Variants in UNC13C observed in about 807,000 individuals in gnomAD.
UNC13C encodes protein unc-13 homolog C.
A neutral mutation model predicts 245.4 loss-of-function variants in UNC13C; 174 were observed. The ratio of observed to expected loss-of-function variants is 0.71; its 90% CI spans 0.63 to 0.80. UNC13C has a LOEUF of 0.80. UNC13C is among the 30% of genes least tolerant of loss of function. UNC13C has a pLI of 0.00. For missense variants in UNC13C, 2,829 were observed against 2,602.9 expected (o/e 1.09, Z -1.89); for synonymous variants, 992 against 895.1 (o/e 1.11, Z -1.93).
intron 2 of UNC13C, among the ~76,000 whole-genome samples, chr15:54,095,156 C>G (rs956551718): frequency 1.3e-5 from 2 of 152,214 alleles, no homozygotes; most frequent in Non-Finnish European, 2.9e-5. Context: ...CCATCCACCC[C>G]AGCAGGCAGA....
chr15:54,533,033 T>C lies in UNC13C; in HGVS notation c.5663T>C (p.Val1888Ala), dbSNP rs754633671. The change falls in exon 26 of 33, where the codon GTG (valine) becomes GCG (alanine). Residue 1888 changes from valine (V) to alanine (A), a missense_variant. By Grantham distance (64) the Val-to-Ala change is moderately conservative (BLOSUM62 0). Coordinates refer to ENST00000260323, the MANE Select transcript of UNC13C (RefSeq NM_001080534.3). ...AGTGCAGCAATGGATGCAGAGATTGTGTTAAGATCTCTTATGGATTTTTTG... is the reference window on the plus strand; with the variant it reads ...AGTGCAGCAATGGATGCAGAGATTGCGTTAAGATCTCTTATGGATTTTTTG... Reference protein sequence around the residue: ...KNSAAMDAEIVLRSLMDFLDK... With the variant: ...KNSAAMDAEIALRSLMDFLDK... 2.7e-5 allele frequency: 43 copies of C among 1,596,756 alleles called. 1 individual carries two copies. The highest frequency in any genetic ancestry group is 1.9e-4 in the South Asian group (17 of 87,690).
chr15:53,892,579 T>A, the UNC13C span, among the ~76,000 whole-genome samples: 1 of 152,102 alleles, frequency 6.6e-6, no homozygotes, highest in African/African-American at 2.4e-5. Flanking sequence ...TATTCCTTTT[T>A]ATTTTTTCTC....
chr15:54,498,420 C>T (rs773309138), intron 20 of UNC13C, among the ~76,000 whole-genome samples: 1 of 151,806 alleles, frequency 6.6e-6, no homozygotes, highest in Non-Finnish European at 1.5e-5. Context: ...GCAGAATATT[C>T]TAAATACTCA....
At chr15:54,539,174 G>A (rs1208009977) in intron 26 of UNC13C, among the ~76,000 whole-genome samples, 1 of 151,972 alleles carries the variant, frequency 6.6e-6, no homozygotes, top group African/African-American at 2.4e-5. Context: ...TATGACTTCT[G>A]TTTTAATTCC....
chr15:54,477,403 G>A (rs1892812914), intron 19 of UNC13C, among the ~76,000 whole-genome samples: 1 of 105,328 alleles, frequency 9.5e-6, no homozygotes, highest in Non-Finnish European at 2.0e-5. Context: ...CAAAGGGAAT[G>A]CTTCCAGTTT....
intron 8 of UNC13C, among the ~76,000 whole-genome samples, chr15:54,260,663 T>G (rs2140883884): frequency 6.7e-6 from 1 of 148,342 alleles, no homozygotes; most frequent in East Asian, 2.0e-4. Flanking sequence ...ATATATAACT[T>G]TATATATGTA....
At chr15:54,008,907 C>T (rs911678529) in intron 1 of UNC13C, among the ~76,000 whole-genome samples, 2 of 152,168 alleles carry the variant, frequency 1.3e-5, no homozygotes, top group South Asian at 2.1e-4. Flanking sequence ...CTTATCTCCT[C>T]ATATAATAGG....
chr15:54,493,609 G>C (rs1428676381), intron 19 of UNC13C, among the ~76,000 whole-genome samples: 1 of 152,032 alleles, frequency 6.6e-6, no homozygotes, highest in African/African-American at 2.4e-5. Flanking sequence ...ATTTAGCTTG[G>C]AATGTAAAGT....
chr15:54,160,780 C>A (rs1387555848), intron 4 of UNC13C, among the ~76,000 whole-genome samples: 3 of 151,876 alleles, frequency 2.0e-5, no homozygotes, highest in African/African-American at 4.8e-5. Flanking sequence ...ACATAGAAAG[C>A]AAATATTTTT....
chr15:53,911,911 C>T, the UNC13C span: 2 of 152,256 alleles, frequency 1.3e-5, no homozygotes, highest in Admixed American at 1.3e-4. Flanking sequence ...CTGTTCTCAC[C>T]CCGTATGTAG....
chr15:54,469,904 G>A (rs1892367388), intron 19 of UNC13C, among the ~76,000 whole-genome samples: 1 of 151,460 alleles, frequency 6.6e-6, no homozygotes, highest in Admixed American at 6.6e-5. Flanking sequence ...GTCATATATG[G>A]TCTTTACTCT....
In UNC13C at chr15:54,627,358, A is replaced by G. The variant is rs567603232; in HGVS notation, c.*245A>G. 3.0e-6 allele frequency: 1 copy of G among 332,724 alleles called. No homozygotes were observed. The highest frequency in any genetic ancestry group is 5.5e-6 in the Non-Finnish European group (1 of 182,466). The allele number at this position is 332,724 out of a possible 1,614,324, so 20.6% of individuals were successfully genotyped here. A position where few individuals can be genotyped will look rare whatever the true frequency, so the allele number is the denominator to read the frequency against. On this transcript the variant is annotated 3_prime_UTR_variant, in exon 33 of 33. Coordinates refer to ENST00000260323, the MANE Select transcript of UNC13C (RefSeq NM_001080534.3). ...ATCAAGAACACCTTTTAACATGTTT[A>G]TTTTGTTTCTTTACCCATTTCACAT...
chr15:54,546,896 T>C, intron 27 of UNC13C, 51 bp downstream of exon 27: 1 of 1,490,732 alleles, frequency 6.7e-7, no homozygotes, highest in Non-Finnish European at 9.0e-7. Flanking sequence ...TGTTTTTGGT[T>C]TAAGTGAATG....
chr15:54,489,050 T>C (rs1490679997), intron 19 of UNC13C, among the ~76,000 whole-genome samples: 1 of 152,172 alleles, frequency 6.6e-6, no homozygotes, highest in Non-Finnish European at 1.5e-5. Flanking sequence ...ATATCTTACA[T>C]TGATTATTTG....
At chr15:54,070,908 C>G (rs17634084) in intron 2 of UNC13C, among the ~76,000 whole-genome samples, 1 of 151,986 alleles carries the variant, frequency 6.6e-6, no homozygotes, top group African/African-American at 2.4e-5. Context: ...ATAGACCACA[C>G]TATCATTCAT....
At chr15:54,476,519 C>A (rs1424750439) in intron 19 of UNC13C, among the ~76,000 whole-genome samples, 1 of 151,900 alleles carries the variant, frequency 6.6e-6, no homozygotes, top group South Asian at 2.1e-4. Flanking sequence ...TTTCAGCTTT[C>A]TACATATGGC....
At chr15:54,159,979 G>T (rs1423325243) in intron 4 of UNC13C, among the ~76,000 whole-genome samples, 2 of 152,094 alleles carry the variant, frequency 1.3e-5, no homozygotes, top group Non-Finnish European at 2.9e-5. Context: ...TCAATTGTAT[G>T]CAATTAGAAG....
Position 54,265,391 on chromosome 15 carries a change from C to T in UNC13C, c.3713C>T (p.Thr1238Ile). The change falls in exon 10 of 33, where the codon ACA (threonine) becomes ATA (isoleucine). Residue 1238 changes from threonine (T) to isoleucine (I), a missense_variant. Coordinates refer to ENST00000260323, the MANE Select transcript of UNC13C (RefSeq NM_001080534.3). ...CAGGGTCTACAGGCAAAAGATAAAA[C>T]AGGGTCTAGTGATCCATATGTTACA... is the stretch of plus-strand genomic sequence containing the variant. Reference protein sequence around the residue: ...SAQGLQAKDKTGSSDPYVTVQ... With the variant: ...SAQGLQAKDKIGSSDPYVTVQ... 1 of 1,586,154 alleles carries T rather than the reference C, an allele frequency of 6.3e-7. No homozygotes were observed. Among genetic ancestry groups the T allele is most frequent in the Non-Finnish European group, 8.6e-7 (1 of 1,164,202 alleles).
chr15:54,035,825 AG>A (rs1354890798), intron 2 of UNC13C, among the ~76,000 whole-genome samples: 1 of 152,154 alleles, frequency 6.6e-6, no homozygotes, highest in Non-Finnish European at 1.5e-5. Context: ...CTTACAGAAA[AG>A]TTTCACAAGG....
Sources: allele counts gnomAD v4.1 joint callset (sites outside exome capture counted in the v4.1 genomes callset), GRCh38; gene constraint gnomAD v4.1.1; transcripts MANE v1.5; gene names NCBI Gene and HGNC (gene_info 2026-07-23, HGNC 2026-07-21).